The following INSC variants were observed in gnomAD, a reference collection of about 807,000 sequenced individuals.
INSC encodes protein inscuteable homolog.
In INSC, 67 loss-of-function variants were observed where a neutral mutation model predicts 58.6. The observed-to-expected ratio is 1.14, with a 90% CI of 0.94 to 1.40. The LOEUF (loss-of-function observed/expected upper bound fraction) is 1.40, where lower values mean the gene tolerates loss of function less well. Ranked by LOEUF, INSC falls within the 40% of genes most tolerant of loss-of-function variation. The probability of loss-of-function intolerance (pLI) is 0.00; values close to 1 mark genes in which losing one functional copy is unlikely to be tolerated. For synonymous variants in INSC, 262 were observed against 276.1 expected (o/e 0.95, Z 0.51); for missense variants, 714 against 692.0 (o/e 1.03, Z -0.36).
chr11:15,225,841 GA>G lies in INSC; in HGVS notation c.1170+15del. 1.9e-6 allele frequency: 3 copies of G among 1,608,376 alleles called. No individual in the cohort carries two copies. The highest frequency in any genetic ancestry group is 2.5e-6 in the Non-Finnish European group (3 of 1,177,356). ...CACTCGGGACCAGGTAAGACGCCCAGAAGGCACTGAGCACAGGGCCCATAGC... is the reference window on the plus strand; with the variant it reads ...CACTCGGGACCAGGTAAGACGCCCAGAGGCACTGAGCACAGGGCCCATAGC... On this transcript the variant is annotated intron_variant, in intron 9 of 12. Coordinates refer to ENST00000379556, the MANE Select transcript of INSC (RefSeq NM_001042536.3).
chr11:15,157,838 G>C (rs899388051), intron 2 of INSC, among the ~76,000 whole-genome samples: 25 of 152,140 alleles, frequency 1.6e-4, no homozygotes, highest in African/African-American at 6.0e-4. Flanking sequence ...GAAAGCTGGG[G>C]CCCCCTTCGA....
intron 9 of INSC, among the ~76,000 whole-genome samples, chr11:15,231,363 A>G (rs1440114688): frequency 6.6e-6 from 1 of 152,178 alleles, no homozygotes; most frequent in Non-Finnish European, 1.5e-5. Flanking sequence ...GGCCACACAT[A>G]AAATACACTA....
chr11:15,226,952 T>A lies in INSC; in HGVS notation c.1170+1124T>A, dbSNP rs1851663676. Among the ~76,000 whole-genome samples the A allele has an allele frequency of 3.3e-5, 5 of 152,208 alleles. No homozygotes were observed. In the South Asian group the frequency reaches 1.0e-3, roughly 32 times the overall value. ...CCCAAACTTTGTCAGTTATTTCTTA[T>A]CCTCAGAATCGCCTGTGAAAGGGCA... On this transcript the variant is annotated intron_variant, in intron 9 of 12. Coordinates refer to ENST00000379556, the MANE Select transcript of INSC (RefSeq NM_001042536.3).
intron 4 of INSC, among the ~76,000 whole-genome samples, chr11:15,177,962 G>A (rs1443336985): frequency 6.6e-6 from 1 of 152,174 alleles, no homozygotes; most frequent in Non-Finnish European, 1.5e-5. Context: ...CTGGCACTTG[G>A]CACCTCTCTT....
chr11:15,216,609 A>G (rs1438750380), intron 7 of INSC, among the ~76,000 whole-genome samples: 1 of 152,188 alleles, frequency 6.6e-6, no homozygotes, highest in East Asian at 1.9e-4. Flanking sequence ...GCAATTATTC[A>G]TTGCATTGTT....
chr11:15,139,657 A>T (rs1848322751), intron 1 of INSC, among the ~76,000 whole-genome samples: 1 of 152,194 alleles, frequency 6.6e-6, no homozygotes, highest in Admixed American at 6.5e-5. Flanking sequence ...TTTTATCCTT[A>T]TTATAGATCC....
chr11:15,217,404 C>G (rs143327732), intron 7 of INSC, among the ~76,000 whole-genome samples: 318 of 152,292 alleles, frequency 2.1e-3, no homozygotes, highest in African/African-American at 7.0e-3. Context: ...CAAACCATAT[C>G]AGTAGGTAAG....
chr11:15,188,226 G>A, intron 5 of INSC: 2 of 985,446 alleles, frequency 2.0e-6, no homozygotes, highest in Non-Finnish European at 2.4e-6. Context: ...AGTGTTAGAT[G>A]CGAAGGGAAT....
intron 2 of INSC, among the ~76,000 whole-genome samples, chr11:15,163,443 C>T (rs1460819489): frequency 1.3e-5 from 2 of 152,040 alleles, no homozygotes; most frequent in Non-Finnish European, 2.9e-5. Context: ...CCCTCCCCCA[C>T]CTGAAAGTTT....
At chr11:15,253,307 G>A in the INSC span, among the ~76,000 whole-genome samples, 1 of 152,156 alleles carries the variant, frequency 6.6e-6, no homozygotes, top group Admixed American at 6.6e-5. Context: ...AGAATAAGAA[G>A]TGAAGATCAA....
At chr11:15,261,111 C>T in the INSC span, among the ~76,000 whole-genome samples, 1 of 152,180 alleles carries the variant, frequency 6.6e-6, no homozygotes, top group Non-Finnish European at 1.5e-5. Flanking sequence ...GCAGCATATC[C>T]AAGAGACTGA....
the INSC span, among the ~76,000 whole-genome samples, chr11:15,260,492 T>A: frequency 6.6e-6 from 1 of 152,190 alleles, no homozygotes; most frequent in African/African-American, 2.4e-5. Context: ...AGGCTATTAT[T>A]TAATATCTCT....
intron 1 of INSC, among the ~76,000 whole-genome samples, chr11:15,132,448 G>T (rs1468059050): frequency 6.6e-6 from 1 of 152,088 alleles, no homozygotes; most frequent in Non-Finnish European, 1.5e-5. Context: ...ACTGCACTCA[G>T]CTAACTTTTT....
In INSC at chr11:15,200,957, C is replaced by T; in HGVS notation, c.819+8C>T. ...GTCCACCAGCTGGAGAAGGTAAGGA[C>T]AGCTGGCTGGGTGGTGCCTGAGGTC... On this transcript the variant is annotated splice_region_variant and intron_variant, in intron 7 of 12. Coordinates refer to ENST00000379556, the MANE Select transcript of INSC (RefSeq NM_001042536.3). The T allele has an allele frequency of 1.3e-6, 2 of 1,592,672 alleles. No individual in the cohort carries two copies. Among genetic ancestry groups the T allele is most frequent in the Non-Finnish European group, 1.7e-6 (2 of 1,169,880 alleles).
At chr11:15,260,988 A>G in the INSC span, among the ~76,000 whole-genome samples, 23 of 152,344 alleles carry the variant, frequency 1.5e-4, no homozygotes, top group Admixed American at 1.4e-3. Context: ...TCTCTGGGCC[A>G]AAGGTGGAAA....
chr11:15,188,079 C>T, intron 5 of INSC: 1 of 588,458 alleles, frequency 1.7e-6, no homozygotes, highest in Non-Finnish European at 2.1e-6. Flanking sequence ...TTTGAGGAGT[C>T]CCCTGTCCCA....
chr11:15,220,276 C>T (rs1851387268), intron 7 of INSC, among the ~76,000 whole-genome samples: 1 of 152,160 alleles, frequency 6.6e-6, no homozygotes, highest in Non-Finnish European at 1.5e-5. Flanking sequence ...CCCACCTCTC[C>T]TGTTCTTCCC....
upstream of INSC, chr11:15,112,621 T>C (rs1847594747): frequency 2.0e-6 from 1 of 493,728 alleles, no homozygotes; most frequent in Middle Eastern, 7.2e-4. Context: ...TGTGTGTGTG[T>C]GTGTGTGTGT....
intron 2 of INSC, among the ~76,000 whole-genome samples, chr11:15,158,914 G>C (rs116758862): frequency 0.017 from 2,348 of 135,680 alleles, 75 homozygotes; most frequent in African/African-American, 0.061. Context: ...CTCTATGAAG[G>C]CTGGAATTTT....
Sources: gnomAD v4.1 joint callset for allele counts (sites outside exome capture counted in the v4.1 genomes callset) on GRCh38, gnomAD v4.1.1 for gene constraint, MANE v1.5 for transcripts, NCBI Gene and HGNC (gene_info 2026-07-23, HGNC 2026-07-21) for gene names.